TMA16: variants seen among roughly 807,000 people sequenced by gnomAD.
TMA16 encodes the protein translation machinery-associated protein 16.
Under a neutral mutation model 27.1 loss-of-function variants are expected in TMA16, and 26 were observed. The observed-to-expected ratio is 0.96, with a 90% CI of 0.70 to 1.33. The LOEUF is 1.33. TMA16 is among the 40% of genes most tolerant of loss of function. TMA16 has a pLI of 0.00. For missense variants in TMA16, 233 were observed against 241.4 expected (o/e 0.97, Z 0.23); for synonymous variants, 71 against 81.9 (o/e 0.87, Z 0.72).
chr4:163,494,745 GGTGAGATTACCTGGGTCTA>G lies in TMA16; in HGVS notation c.-55_-37del, dbSNP rs1737521830. The stretch of plus-strand genomic sequence containing the variant: ...CTTGTGAGCTGCTGCTCCTGCGGTT[GGTGAGATTACCTGGGTCTA>G]GAGTGCGGAGCTGCTCCGTGGCCAC... On this transcript the variant is annotated 5_prime_UTR_variant, in exon 1 of 7. Coordinates refer to ENST00000358572, the MANE Select transcript of TMA16 (RefSeq NM_018352.3). The G allele has an allele frequency of 6.2e-7, 1 of 1,612,546 alleles. No homozygotes were observed. The highest frequency in any genetic ancestry group is 1.1e-5 in the South Asian group (1 of 91,066).
chr4:163,494,805 G>T lies in TMA16; in HGVS notation c.3+1G>T. 6.2e-7 allele frequency: 1 copy of T among 1,612,286 alleles called. No homozygotes were observed. The highest frequency in any genetic ancestry group is 1.3e-5 in the African/African-American group (1 of 75,062). Reference sequence around the variant, plus strand: ...CCGTGGCCACGAGGACGTCACCATGGTGGGCCCCCTCCTGCTCCCCCGAAC... The same window carrying T: ...CCGTGGCCACGAGGACGTCACCATGTTGGGCCCCCTCCTGCTCCCCCGAAC... On this transcript the variant is annotated splice_donor_variant, in intron 1 of 6. Transcript: ENST00000358572. LOFTEE classifies it high-confidence loss of function.
chr4:163,511,602 G>A (rs1737798640), intron 2 of TMA16, among the ~76,000 whole-genome samples: 1 of 151,716 alleles, frequency 6.6e-6, no homozygotes, highest in Non-Finnish European at 1.5e-5. Context: ...CTTGAGGCCA[G>A]GAGTTTGAGA....
chr4:163,499,809 G>A (rs1213740310), intron 1 of TMA16, among the ~76,000 whole-genome samples: 2 of 152,054 alleles, frequency 1.3e-5, no homozygotes, highest in East Asian at 1.9e-4. Flanking sequence ...CAGATGTGAA[G>A]CCTGGAGGGC....
At chr4:163,497,367 TG>T (rs1434003965) in intron 1 of TMA16, among the ~76,000 whole-genome samples, 1 of 152,248 alleles carries the variant, frequency 6.6e-6, no homozygotes, top group African/African-American at 2.4e-5. Context: ...CACTAAAAAA[TG>T]GTTTCTCATA....
In TMA16 at chr4:163,514,112, C is replaced by CA. The variant is rs768974165; in HGVS notation, c.200dup (p.Arg68GlufsTer9). ...ATGGTTTCAAAATCATCTTGATCCCCAAAAAAAGAGATATTCAAAGAAAGA... is the reference window on the plus strand; with the variant it reads ...ATGGTTTCAAAATCATCTTGATCCCCAAAAAAAAGAGATATTCAAAGAAAGA... On this transcript the variant is annotated frameshift_variant, in exon 4 of 7. Coordinates refer to ENST00000358572, the MANE Select transcript of TMA16 (RefSeq NM_018352.3). LOFTEE classifies it high-confidence loss of function. 9 of 1,608,770 alleles carry CA rather than the reference C, an allele frequency of 5.6e-6. No homozygotes were observed. Among genetic ancestry groups the CA allele is most frequent in the Non-Finnish European group, 7.6e-6 (9 of 1,177,656 alleles).
Position 163,519,703 on chromosome 4 carries a change from A to T in TMA16, c.*189A>T. ...ATGAAGATTGCTTTTCATTTCCATTAAGTTGCTAAAATAGATAGATGTGAT... is the reference window on the plus strand; with the variant it reads ...ATGAAGATTGCTTTTCATTTCCATTTAGTTGCTAAAATAGATAGATGTGAT... On this transcript the variant is annotated 3_prime_UTR_variant, in exon 7 of 7. Transcript: ENST00000358572. 1.7e-6 allele frequency: 1 copy of T among 601,706 alleles called. No homozygotes were observed. Among genetic ancestry groups the T allele is most frequent in the South Asian group, 2.5e-5 (1 of 40,640 alleles). The allele number at this position is 601,706 out of a possible 1,614,324, so 37.3% of individuals were successfully genotyped here.
At chr4:163,499,965 T>C (rs1737622563) in intron 1 of TMA16, among the ~76,000 whole-genome samples, 1 of 152,126 alleles carries the variant, frequency 6.6e-6, no homozygotes, top group African/African-American at 2.4e-5. Flanking sequence ...ATGTTATTTT[T>C]TGTCTTACTT....
intron 3 of TMA16, 67 bp from the exon 4 acceptor site, chr4:163,514,007 T>A: frequency 1.6e-6 from 2 of 1,218,270 alleles, no homozygotes; most frequent in East Asian, 5.1e-5. Flanking sequence ...TTGAAAATGA[T>A]AATGAATATT....
At chr4:163,517,946 A>C (rs1579021500) in intron 6 of TMA16, among the ~76,000 whole-genome samples, 1 of 150,096 alleles carries the variant, frequency 6.7e-6, no homozygotes, top group African/African-American at 2.4e-5. Flanking sequence ...CTGGGAAACT[A>C]CCGAGTAGGA....
intron 2 of TMA16, among the ~76,000 whole-genome samples, chr4:163,507,661 C>A (rs1433280037): frequency 6.6e-6 from 1 of 151,976 alleles, no homozygotes; most frequent in African/African-American, 2.4e-5. Context: ...ATCAGTTCAC[C>A]TAAGGAGTAA....
intron 3 of TMA16, among the ~76,000 whole-genome samples, chr4:163,513,777 C>T (rs1388339775): frequency 6.6e-6 from 1 of 152,128 alleles, no homozygotes; most frequent in Non-Finnish European, 1.5e-5. Context: ...CTTTTAAATA[C>T]TTAGAAGTTC....
intron 4 of TMA16, 94 bp downstream of exon 4, chr4:163,514,252 A>C (rs919700332): frequency 1.0e-6 from 1 of 962,006 alleles, no homozygotes; most frequent in African/African-American, 1.7e-5. Flanking sequence ...GATTTGCAGA[A>C]GAGCAAATGG....
At chr4:163,506,272 G>A (rs2110798500) in intron 1 of TMA16, among the ~76,000 whole-genome samples, 1 of 152,254 alleles carries the variant, frequency 6.6e-6, no homozygotes, top group African/African-American at 2.4e-5. Flanking sequence ...GGGCTTTGTG[G>A]AACAGAACCT....
chr4:163,510,704 C>T (rs1026566747), intron 2 of TMA16, among the ~76,000 whole-genome samples: 4 of 152,200 alleles, frequency 2.6e-5, no homozygotes, highest in Non-Finnish European at 4.4e-5. Flanking sequence ...CAGAGGTCGG[C>T]AAGCTAAGGC....
rs1331176187 is a variant in TMA16, at chr4:163,519,732, C to T, written c.*218C>T. ...TGCTAAAATAGATAGATGTGATCTGCAGAAGTTGTTTAGTCTTCATCTGAA... is the reference window on the plus strand; with the variant it reads ...TGCTAAAATAGATAGATGTGATCTGTAGAAGTTGTTTAGTCTTCATCTGAA... On this transcript the variant is annotated 3_prime_UTR_variant, in exon 7 of 7. Transcript: ENST00000358572. 9.5e-5 allele frequency: 51 copies of T among 537,590 alleles called. No individual in the cohort carries two copies. Among genetic ancestry groups the T allele is most frequent in the Non-Finnish European group, 8.3e-5 (26 of 313,930 alleles). The allele number at this position is 537,590 out of a possible 1,614,324, so 33.3% of individuals were successfully genotyped here. A position where few individuals can be genotyped will look rare whatever the true frequency, so the allele number is the denominator to read the frequency against.
chr4:163,513,964 A>G (rs931198737), intron 3 of TMA16, 110 bp from the exon 4 acceptor site: 1 of 711,668 alleles, frequency 1.4e-6, no homozygotes, highest in Non-Finnish European at 2.2e-6. Context: ...TAACATTGAC[A>G]TAAATTTTGG....
chr4:163,515,419 A>G lies in TMA16; in HGVS notation c.346A>G (p.Thr116Ala), dbSNP rs1321382706. The G allele has an allele frequency of 6.8e-6, 11 of 1,613,950 alleles. No homozygotes were observed. In the Admixed American group the frequency reaches 1.0e-4, roughly 15 times the overall value. The change falls in exon 5 of 7, where the codon ACG becomes GCG. Residue 116 changes from threonine (T) to alanine (A), a missense_variant. Physicochemically the swap from Thr to Ala is moderately conservative, Grantham distance 58. Transcript: ENST00000358572. Reference sequence around the variant, plus strand: ...TTCCCGGGAGACCGTCATCAAGCAGACGATGGAGCGGGAGCGACAGCAGTT... The same window carrying G: ...TTCCCGGGAGACCGTCATCAAGCAGGCGATGGAGCGGGAGCGACAGCAGTT... ...HCSRETVIKQ[T>A]MERERQQFEG...
At chr4:163,512,685 A>G (rs1013158417) in intron 2 of TMA16, 137 bp from the exon 3 acceptor site, 3 of 569,394 alleles carry the variant, frequency 5.3e-6, no homozygotes, top group African/African-American at 3.8e-5. Context: ...TCTGTTAACA[A>G]AATTATTCTC....
Position 163,519,865 on chromosome 4 carries a change from T to C in TMA16, c.*351T>C, listed in dbSNP as rs2110818468. ...TTTTGTGAAATGGACAGTAACCTGT[T>C]TCCTGAAAGATTCCTGTGGGTACTT... On this transcript the variant is annotated 3_prime_UTR_variant, in exon 7 of 7. Coordinates refer to ENST00000358572, the MANE Select transcript of TMA16 (RefSeq NM_018352.3). 3.8e-6 allele frequency: 2 copies of C among 528,550 alleles called. No homozygotes were observed. The highest frequency in any genetic ancestry group is 6.7e-6 in the Non-Finnish European group (2 of 299,118). 32.7% of individuals were successfully genotyped at this position (528,550 alleles called of 1,614,324 possible).
Sources: allele counts gnomAD v4.1 joint callset (sites outside exome capture counted in the v4.1 genomes callset), GRCh38; gene constraint gnomAD v4.1.1; transcripts MANE v1.5; gene names NCBI Gene and HGNC (gene_info 2026-07-23, HGNC 2026-07-21).